Variants in LOC128092252 observed in about 807,000 individuals in gnomAD.
the LOC128092252 span, among the ~76,000 whole-genome samples, chr15:50,677,240 T>C: frequency 1.3e-5 from 2 of 152,078 alleles, no homozygotes; most frequent in Non-Finnish European, 2.9e-5. Flanking sequence ...TCTCTTCTTC[T>C]AAGGACATAA....
the LOC128092252 span, among the ~76,000 whole-genome samples, chr15:50,652,326 C>T: frequency 4.4e-5 from 2 of 45,258 alleles, no homozygotes; most frequent in Non-Finnish European, 7.2e-5. Flanking sequence ...GAGACTCCAT[C>T]TCAAAAAAAA....
chr15:50,658,981 G>A, the LOC128092252 span, among the ~76,000 whole-genome samples: 2 of 152,100 alleles, frequency 1.3e-5, no homozygotes, highest in South Asian at 2.1e-4. Context: ...GGAGGATCAC[G>A]AGGTCAGGAG....
chr15:50,666,662 C>T, the LOC128092252 span, among the ~76,000 whole-genome samples: 1 of 151,978 alleles, frequency 6.6e-6, no homozygotes, highest in Non-Finnish European at 1.5e-5. Context: ...ATTAGCCAGG[C>T]ATGGTGGTGC....
chr15:50,650,192 CAAAAA>C, the LOC128092252 span, among the ~76,000 whole-genome samples: 879 of 62,158 alleles, frequency 0.014, 6 homozygotes, highest in African/African-American at 0.051. Context: ...GACTTTGTCT[CAAAAA>C]AAAAAAAAAA....
the LOC128092252 span, among the ~76,000 whole-genome samples, chr15:50,678,316 T>C: frequency 8.0e-5 from 12 of 150,670 alleles, no homozygotes; most frequent in African/African-American, 2.9e-4. Context: ...TGTGATAAAT[T>C]TGTACATGGG....
chr15:50,679,562 G>GTTTTTT, the LOC128092252 span, among the ~76,000 whole-genome samples: 1 of 102,458 alleles, frequency 9.8e-6, no homozygotes, highest in African/African-American at 5.0e-5. Flanking sequence ...TTGAGACAGA[G>GTTTTTT]TCTTGTTTTG....
the LOC128092252 span, among the ~76,000 whole-genome samples, chr15:50,674,146 G>T: frequency 6.6e-6 from 1 of 152,004 alleles, no homozygotes; most frequent in Non-Finnish European, 1.5e-5. Flanking sequence ...CTGCCACCAC[G>T]CCCAGCTAAT....
the LOC128092252 span, among the ~76,000 whole-genome samples, chr15:50,656,304 TG>T: frequency 6.6e-6 from 1 of 151,902 alleles, no homozygotes; most frequent in Non-Finnish European, 1.5e-5. Flanking sequence ...TCTTTTTGTT[TG>T]TTTTTTTTTC....
the LOC128092252 span, among the ~76,000 whole-genome samples, chr15:50,649,424 C>T: frequency 7.4e-6 from 1 of 134,386 alleles, no homozygotes; most frequent in Non-Finnish European, 1.6e-5. Flanking sequence ...ACAGAACAAG[C>T]AAGACCCCAA....
At chr15:50,677,146 C>T in the LOC128092252 span, among the ~76,000 whole-genome samples, 1 of 152,120 alleles carries the variant, frequency 6.6e-6, no homozygotes, top group East Asian at 1.9e-4. Flanking sequence ...TCCAGGAGGG[C>T]CAGTGTCTGA....
the LOC128092252 span, chr15:50,657,640 T>G: frequency 5.7e-6 from 4 of 700,062 alleles, no homozygotes; most frequent in Non-Finnish European, 9.5e-6. Context: ...TGACTGACCC[T>G]TCACCTTCCA....
chr15:50,678,304 T>C, the LOC128092252 span, among the ~76,000 whole-genome samples: 1 of 150,100 alleles, frequency 6.7e-6, no homozygotes, highest in Non-Finnish European at 1.5e-5. Context: ...AATTCAGAGT[T>C]ATGTGATAAA....
chr15:50,655,305 C>T, the LOC128092252 span, among the ~76,000 whole-genome samples: 13 of 151,232 alleles, frequency 8.6e-5, no homozygotes, highest in Admixed American at 7.9e-4. Context: ...TGGTGGCATG[C>T]GTCTGTAATC....
At chr15:50,680,723 A>T in the LOC128092252 span, among the ~76,000 whole-genome samples, 28 of 151,862 alleles carry the variant, frequency 1.8e-4, no homozygotes, top group Non-Finnish European at 2.1e-4. Context: ...TAACTTTTTT[A>T]AAAAAAACCT....
At chr15:50,678,579 C>T in the LOC128092252 span, among the ~76,000 whole-genome samples, 2 of 149,932 alleles carry the variant, frequency 1.3e-5, no homozygotes, top group Non-Finnish European at 3.0e-5. Flanking sequence ...TATTATGTCA[C>T]AGAGTTCCAC....
chr15:50,678,260 AAAAC>A, the LOC128092252 span, among the ~76,000 whole-genome samples: 263 of 149,062 alleles, frequency 1.8e-3, 7 homozygotes, highest in African/African-American at 5.8e-3. Flanking sequence ...AACAAAAACA[AAAAC>A]AAAAACAAAA....
At chr15:50,666,457 A>T in the LOC128092252 span, among the ~76,000 whole-genome samples, 2 of 151,622 alleles carry the variant, frequency 1.3e-5, no homozygotes, top group African/African-American at 2.4e-5. Flanking sequence ...TAGAAGGGAG[A>T]AAGAAGAGGA....
the LOC128092252 span, among the ~76,000 whole-genome samples, chr15:50,684,223 G>A: frequency 6.7e-6 from 1 of 150,300 alleles, no homozygotes; most frequent in Non-Finnish European, 1.5e-5. Flanking sequence ...CAGGATCTCC[G>A]CTTACTGCAA....
At chr15:50,658,645 T>C in the LOC128092252 span, among the ~76,000 whole-genome samples, 1 of 151,892 alleles carries the variant, frequency 6.6e-6, no homozygotes, top group East Asian at 1.9e-4. Flanking sequence ...GAGTATATAT[T>C]TATATAATCC....
Sources: gnomAD v4.1 joint callset for allele counts (sites outside exome capture counted in the v4.1 genomes callset) on GRCh38, gnomAD v4.1.1 for gene constraint, MANE v1.5 for transcripts.